PIP5K1B: variants seen among roughly 807,000 people sequenced by gnomAD.
PIP5K1B encodes phosphatidylinositol-4-phosphate 5-kinase type 1 beta, also known as phosphatidylinositol 4-phosphate 5-kinase type-1 beta.
In PIP5K1B, 42 loss-of-function variants were observed where a neutral mutation model predicts 67.0. The ratio of observed to expected loss-of-function variants is 0.63; its 90% CI spans 0.49 to 0.81. The LOEUF (loss-of-function observed/expected upper bound fraction) is 0.81, where lower values mean the gene tolerates loss of function less well. Among genes scored for constraint, PIP5K1B ranks in the 30% least tolerant of loss-of-function variants. The pLI, the probability that PIP5K1B is intolerant of heterozygous loss-of-function variation, is 0.00. For missense variants in PIP5K1B, 459 were observed against 646.3 expected (o/e 0.71, Z 3.14); for synonymous variants, 214 against 231.4 (o/e 0.92, Z 0.68).
intron 2 of PIP5K1B, among the ~76,000 whole-genome samples, chr9:68,790,063 C>T (rs1478151063): frequency 6.6e-6 from 1 of 151,920 alleles, no homozygotes; most frequent in Non-Finnish European, 1.5e-5. Context: ...CCAGTTTGAC[C>T]CTTCCCTCCC....
intron 14 of PIP5K1B, among the ~76,000 whole-genome samples, chr9:68,955,266 G>T (rs1828326394): frequency 6.6e-6 from 1 of 152,220 alleles, no homozygotes; most frequent in African/African-American, 2.4e-5. Context: ...CATTCCAAAA[G>T]TGACAATGTT....
chr9:68,870,432 G>A lies in PIP5K1B; in HGVS notation c.201-6245G>A, dbSNP rs150487175. On this transcript the variant is annotated intron_variant, in intron 5 of 15. Transcript: ENST00000265382. ...CAGCAAGGAATGTGTCTTTTGTTTTGCTTTGTTTTGTTTTTCCATTCATGA... is the reference window on the plus strand; with the variant it reads ...CAGCAAGGAATGTGTCTTTTGTTTTACTTTGTTTTGTTTTTCCATTCATGA... Among the ~76,000 whole-genome samples the A allele has an allele frequency of 9.2e-3, 1,405 of 152,226 alleles. 4 individuals are homozygous for A. The highest frequency in any genetic ancestry group is 0.024 in the Middle Eastern group (7 of 294).
chr9:68,772,945 T>C (rs1830736431), intron 2 of PIP5K1B, among the ~76,000 whole-genome samples: 1 of 152,186 alleles, frequency 6.6e-6, no homozygotes, highest in African/African-American at 2.4e-5. Flanking sequence ...GGACACCATA[T>C]TATTTTATCT....
intron 2 of PIP5K1B, among the ~76,000 whole-genome samples, chr9:68,816,614 A>G (rs188047877): frequency 7.9e-5 from 12 of 152,362 alleles, no homozygotes; most frequent in Non-Finnish European, 1.0e-4. Flanking sequence ...AACAGAGTAG[A>G]TGCCATAACT....
intron 2 of PIP5K1B, among the ~76,000 whole-genome samples, chr9:68,805,075 G>A (rs1832796967): frequency 6.6e-6 from 1 of 152,220 alleles, no homozygotes; most frequent in African/African-American, 2.4e-5. Context: ...TCAGGGGGAG[G>A]CATTTGAGAT....
At chr9:68,852,552 C>T (rs1479296483) in intron 4 of PIP5K1B, among the ~76,000 whole-genome samples, 2 of 152,128 alleles carry the variant, frequency 1.3e-5, no homozygotes, top group Non-Finnish European at 2.9e-5. Flanking sequence ...CCATGGTGTC[C>T]CATTGGCCAA....
chr9:68,943,858 G>T (rs554789592), intron 14 of PIP5K1B, among the ~76,000 whole-genome samples: 1 of 152,268 alleles, frequency 6.6e-6, no homozygotes, highest in South Asian at 2.1e-4. Flanking sequence ...AGTCTTTTTA[G>T]AATCCTTAAG....
At chr9:68,825,931 C>T (rs1237468849) in intron 4 of PIP5K1B, among the ~76,000 whole-genome samples, 1 of 152,186 alleles carries the variant, frequency 6.6e-6, no homozygotes, top group African/African-American at 2.4e-5. Flanking sequence ...AGGGAACACT[C>T]AGTGTTCATG....
chr9:68,931,452 G>A (rs1826993982), intron 12 of PIP5K1B, among the ~76,000 whole-genome samples: 1 of 152,132 alleles, frequency 6.6e-6, no homozygotes. Flanking sequence ...TCTCTTTTGA[G>A]CCGGAGATTG....
intron 12 of PIP5K1B, among the ~76,000 whole-genome samples, chr9:68,929,876 G>A (rs1826905733): frequency 6.6e-6 from 1 of 152,096 alleles, no homozygotes; most frequent in African/African-American, 2.4e-5. Context: ...TGCCATGTTG[G>A]CCAGGCTGGT....
At chr9:68,846,015 C>T (rs1822174379) in intron 4 of PIP5K1B, among the ~76,000 whole-genome samples, 2 of 152,068 alleles carry the variant, frequency 1.3e-5, no homozygotes, top group African/African-American at 4.8e-5. Context: ...TTTAAGTTTC[C>T]TCATCTGTGG....
chr9:68,784,355 T>C (rs1587443645), intron 2 of PIP5K1B: 1 of 167,238 alleles, frequency 6.0e-6, no homozygotes, highest in East Asian at 1.9e-4. Flanking sequence ...AAACCTCTGG[T>C]ATATTTTCCT....
chr9:68,799,779 C>T lies in PIP5K1B; in HGVS notation c.-85-18682C>T, dbSNP rs151259124. On this transcript the variant is annotated intron_variant, in intron 2 of 15. Transcript: ENST00000265382. ...AAAAATAATACCTGAAACTGTGAAA[C>T]TCCTAGGAGAAAAGCTAGGGGAAAG... Among the ~76,000 whole-genome samples, 39 of 152,272 alleles carry T rather than the reference C, an allele frequency of 2.6e-4. No homozygotes were observed. The East Asian group carries it at 6.0e-3, about 23-fold the overall frequency.
At chr9:68,851,202 C>G (rs998870765) in intron 4 of PIP5K1B, among the ~76,000 whole-genome samples, 6 of 152,160 alleles carry the variant, frequency 3.9e-5, no homozygotes, top group Non-Finnish European at 7.4e-5. Context: ...TTTCTTTATT[C>G]TGCCTCTCCT....
intron 14 of PIP5K1B, among the ~76,000 whole-genome samples, chr9:68,950,944 A>G (rs1828035634): frequency 6.6e-6 from 1 of 152,202 alleles, no homozygotes; most frequent in South Asian, 2.1e-4. Flanking sequence ...TTCACTTCAC[A>G]GCACCAAGCT....
At chr9:68,828,952 A>C (rs1234926662) in intron 4 of PIP5K1B, among the ~76,000 whole-genome samples, 1 of 151,388 alleles carries the variant, frequency 6.6e-6, no homozygotes, top group African/African-American at 2.4e-5. Context: ...AAATACAAAA[A>C]TTTGCTGGGC....
At chr9:68,953,903 A>G (rs1828237401) in intron 14 of PIP5K1B, among the ~76,000 whole-genome samples, 1 of 151,072 alleles carries the variant, frequency 6.6e-6, no homozygotes, top group Non-Finnish European at 1.5e-5. Flanking sequence ...CAGACTCCCT[A>G]TAGGAGATGC....
intron 14 of PIP5K1B, among the ~76,000 whole-genome samples, chr9:68,959,337 A>C (rs941435104): frequency 6.6e-6 from 1 of 152,310 alleles, no homozygotes; most frequent in South Asian, 2.1e-4. Context: ...TTTCTATGGA[A>C]CAAAATACTA....
intron 4 of PIP5K1B, 115 bp downstream of exon 4, chr9:68,822,798 G>C: frequency 2.7e-6 from 2 of 734,940 alleles, no homozygotes; most frequent in Non-Finnish European, 4.7e-6. Flanking sequence ...TTAGTTTCCA[G>C]TTGCTGCTAT....
Sources: allele counts gnomAD v4.1 joint callset (sites outside exome capture counted in the v4.1 genomes callset), GRCh38; gene constraint gnomAD v4.1.1; transcripts MANE v1.5; gene names NCBI Gene and HGNC (gene_info 2026-07-23, HGNC 2026-07-21).